The following HYI variants were observed in gnomAD, a reference collection of about 807,000 sequenced individuals.
HYI encodes the protein putative hydroxypyruvate isomerase.
A neutral mutation model predicts 39.7 loss-of-function variants in HYI; 47 were observed. The observed-to-expected ratio is 1.18, with a 90% CI of 0.94 to 1.51. The LOEUF is 1.51. Among genes scored for constraint, HYI ranks in the 40% most tolerant of loss-of-function variants. HYI has a pLI of 0.00. For synonymous variants in HYI, 186 were observed against 158.8 expected, an observed-to-expected ratio of 1.17 and a Z score of -1.29; for missense variants, 465 against 370.3, an observed-to-expected ratio of 1.26 and a Z score of -2.10.
rs1656355742 is a variant in HYI at position 43,451,177 on chromosome 1, T to C, written c.*61A>G. On this transcript the variant is annotated 3_prime_UTR_variant, in exon 8 of 8. Coordinates refer to ENST00000372430, the MANE Select transcript of HYI (RefSeq NM_001190880.3). Reference sequence around the variant, plus strand: ...ACAATGTTCAGCAGGTCATCTTTAATGCAGAGGAGGAGATGGGATGTCACT... The same window carrying C: ...ACAATGTTCAGCAGGTCATCTTTAACGCAGAGGAGGAGATGGGATGTCACT... The C allele has an allele frequency of 6.9e-7, 1 of 1,449,414 alleles. No individual in the cohort carries two copies. Among genetic ancestry groups the C allele is most frequent in the Non-Finnish European group, 9.7e-7 (1 of 1,030,170 alleles). 89.8% of individuals were successfully genotyped at this position (1,449,414 alleles called of 1,614,324 possible).
At position 43,453,770 on chromosome 1, in the gene HYI, G is replaced by A. The variant is rs574781939; in HGVS notation, c.24C>T (p.Ala8=). The A allele has an allele frequency of 3.9e-6, 5 of 1,296,150 alleles. No homozygotes were observed. The African/African-American group carries it at 4.6e-5, about 12-fold the overall frequency. 80.3% of individuals were successfully genotyped at this position (1,296,150 alleles called of 1,614,324 possible). ...GCTCGGGGAATAGCCAGGACAGATT[G>A]GCGGAGAAGCGCAGCGGCGCCATGC... The part of the protein sequence containing the change: MAPLRFS[A]NLSWLFPELS... Residue 8 remains alanine (A), a synonymous_variant, in exon 1 of 8, where the codon GCC becomes GCT. Coordinates refer to ENST00000372430, the MANE Select transcript of HYI (RefSeq NM_001190880.3).
rs986904318 is a variant in HYI, at chr1:43,453,601, G to A, written c.193C>T (p.Pro65Ser). The A allele has an allele frequency of 4.7e-5, 71 of 1,526,556 alleles. No homozygotes were observed. Among genetic ancestry groups the A allele is most frequent in the Non-Finnish European group, 6.1e-5 (69 of 1,137,322 alleles). The allele number at this position is 1,526,556 out of a possible 1,614,324, so 94.6% of individuals were successfully genotyped here. Residue 65 changes from proline (P) to serine (S), a missense_variant, in exon 1 of 8, where the codon CCC becomes TCC. Coordinates refer to ENST00000372430, the MANE Select transcript of HYI (RefSeq NM_001190880.3). ...CTCCCGGCCCGCGACGCACCCGGGG[G>A]CGTGTTGATCAGTACAAGCCGCAGC... ...AGLRLVLINT[P>S]PGDQEKGEMG...
rs552432817 is a variant in HYI, at chr1:43,453,570, C to A, written c.199+25G>T. Reference sequence around the variant, plus strand: ...CGCGCCCCGGCACCCCCCAGCCCTCCCAGCCCTCCCGGCCCGCGACGCACC... The same window carrying A: ...CGCGCCCCGGCACCCCCCAGCCCTCACAGCCCTCCCGGCCCGCGACGCACC... On this transcript the variant is annotated intron_variant, in intron 1 of 7. Transcript: ENST00000372430. 1.8e-3 allele frequency: 2,718 copies of A among 1,520,486 alleles called. 4 individuals carry two copies. Among genetic ancestry groups the A allele is most frequent in the Non-Finnish European group, 2.2e-3 (2,492 of 1,131,790 alleles). 94.2% of individuals were successfully genotyped at this position (1,520,486 alleles called of 1,614,324 possible). A position where few individuals can be genotyped will look rare whatever the true frequency, so the allele number is the denominator to read the frequency against.
Position 43,451,970 on chromosome 1 carries a change from G to C in HYI, c.470C>G (p.Thr157Ser). Residue 157 changes from threonine to serine, a missense_variant, in exon 4 of 8, where the codon ACT (threonine) becomes AGT (serine). Coordinates refer to ENST00000372430, the MANE Select transcript of HYI (RefSeq NM_001190880.3). The stretch of plus-strand genomic sequence containing the variant: ...CGTGTCCAGGAAGTACTGGGGGTCA[G>C]TGATGCGGGTGTTGATGGGCTCCAG... ...GLLEPINTRI[T>S]DPQYFLDTPQ... 1 of 1,611,642 alleles carries C rather than the reference G, an allele frequency of 6.2e-7. No homozygotes were observed. Among genetic ancestry groups the C allele is most frequent in the Non-Finnish European group, 8.5e-7 (1 of 1,178,326 alleles).
At position 43,453,655 on chromosome 1, in the gene HYI, C is replaced by T. The variant is rs1334222109; in HGVS notation, c.139G>A (p.Ala47Thr). ...GCTTCTCGCGCGGCGCGCGCCAGCG[C>T]CTCAGGCGTCTCCGCGTACGGCCAG... The part of the protein sequence containing the change: ...VAWPYAETPE[A>T]LARAAREAGL... Residue 47 changes from alanine (A) to threonine (T), a missense_variant, in exon 1 of 8, where the codon GCG (alanine) becomes ACG (threonine). By Grantham distance (58) the Ala-to-Thr change is moderately conservative. Transcript: ENST00000372430. 1.3e-6 allele frequency: 2 copies of T among 1,487,314 alleles called. No individual in the cohort carries two copies. The highest frequency in any genetic ancestry group is 1.8e-6 in the Non-Finnish European group (2 of 1,126,402). The allele number at this position is 1,487,314 out of a possible 1,614,324, so 92.1% of individuals were successfully genotyped here. A position where few individuals can be genotyped will look rare whatever the true frequency, so the allele number is the denominator to read the frequency against.
intron 3 of HYI, 30 bp downstream of exon 3, chr1:43,452,175 T>G (rs1411163570): frequency 2.5e-6 from 4 of 1,572,220 alleles, no homozygotes; most frequent in Non-Finnish European, 3.5e-6. Flanking sequence ...CAGAGACATG[T>G]AAGTACGTGT....
At chr1:43,452,563 T>C in intron 2 of HYI, 1 of 619,788 alleles carries the variant, frequency 1.6e-6, no homozygotes, top group East Asian at 2.8e-5. Flanking sequence ...CCAAAACCTT[T>C]CCTTCCCTCG....
At chr1:43,452,634 G>A in intron 2 of HYI, 1 of 596,342 alleles carries the variant, frequency 1.7e-6, no homozygotes, top group Non-Finnish European at 3.0e-6. Context: ...CCTGACCTTT[G>A]CTTGCCCTTC....
chr1:43,453,465 C>A lies in HYI; in HGVS notation c.232G>T (p.Ala78Ser). The A allele has an allele frequency of 6.4e-7, 1 of 1,561,560 alleles. No homozygotes were observed. Among genetic ancestry groups the A allele is most frequent in the Non-Finnish European group, 8.7e-7 (1 of 1,151,908 alleles). Residue 78 changes from alanine to serine, a missense_variant, in exon 2 of 8, where the codon GCC becomes TCC. Ala to Ser is a moderately conservative substitution (Grantham distance 99). Transcript: ENST00000372430. ...AAGGCCGCCTGTCTCCCGGGGACGG[C>A]CCCCAGCCCCATTTCCCCCTTCTCT... Reference protein sequence around the residue: ...DQEKGEMGLGAVPGRQAAFRE... With the variant: ...DQEKGEMGLGSVPGRQAAFRE...
Position 43,453,454 on chromosome 1 carries a change from C to T in HYI, c.243G>A (p.Gly81=). ...KGEMGLGAVP[G]RQAAFREGLE... Reference sequence around the variant, plus strand: ...GTCCCTCTCGGAAGGCCGCCTGTCTCCCGGGGACGGCCCCCAGCCCCATTT... The same window carrying T: ...GTCCCTCTCGGAAGGCCGCCTGTCTTCCGGGGACGGCCCCCAGCCCCATTT... Residue 81 remains glycine (G), a synonymous_variant, in exon 2 of 8, where the codon GGG becomes GGA. Coordinates refer to ENST00000372430, the MANE Select transcript of HYI (RefSeq NM_001190880.3). The T allele has an allele frequency of 6.4e-7, 1 of 1,564,102 alleles. No homozygotes were observed. Among genetic ancestry groups the T allele is most frequent in the Non-Finnish European group, 8.7e-7 (1 of 1,153,204 alleles).
chr1:43,453,356 C>CAGGGGT (rs1570767405), intron 2 of HYI, 30 bp downstream of exon 2: 1 of 1,157,168 alleles, frequency 8.6e-7, no homozygotes. Flanking sequence ...TCATGGGTCA[C>CAGGGGT]AGGGGTGGGG....
intron 1 of HYI, 38 bp downstream of exon 1, chr1:43,453,557 C>T (rs1250700031): frequency 2.0e-6 from 3 of 1,512,300 alleles, no homozygotes; most frequent in Non-Finnish European, 2.7e-6. Context: ...CGCCCCGGCA[C>T]CCCCCAGCCC....
At chr1:43,452,865 A>T in intron 2 of HYI, 1 of 1,567,334 alleles carries the variant, frequency 6.4e-7, no homozygotes, top group South Asian at 1.2e-5. Flanking sequence ...AGCTCCAAGC[A>T]GACATTCCAG....
chr1:43,453,566 C>A (rs921627372), intron 1 of HYI, 29 bp downstream of exon 1: 2 of 1,516,810 alleles, frequency 1.3e-6, no homozygotes, highest in Admixed American at 2.1e-5. Flanking sequence ...ACCCCCCAGC[C>A]CTCCCAGCCC....
Position 43,452,327 on chromosome 1 carries a change from G to A in HYI, c.312-8C>T. On this transcript the variant is annotated splice_polypyrimidine_tract_variant and splice_region_variant and intron_variant, in intron 2 of 7. Coordinates refer to ENST00000372430, the MANE Select transcript of HYI (RefSeq NM_001190880.3). Reference sequence around the variant, plus strand: ...CCAGCCATCAGGTGGATCCTGTGGGGAAGATGGACTGGAGGCCTTGCCTCC... The same window carrying A: ...CCAGCCATCAGGTGGATCCTGTGGGAAAGATGGACTGGAGGCCTTGCCTCC... 1 of 1,608,122 alleles carries A rather than the reference G, an allele frequency of 6.2e-7. No individual in the cohort carries two copies. Among genetic ancestry groups the A allele is most frequent in the Non-Finnish European group, 8.5e-7 (1 of 1,175,116 alleles).
chr1:43,453,530 G>C (rs377083938), intron 1 of HYI, 33 bp from the exon 2 acceptor site: 1 of 1,531,126 alleles, frequency 6.5e-7, no homozygotes, highest in Non-Finnish European at 8.8e-7. Context: ...CCCCCGGCTC[G>C]GACACTCCCC....
At chr1:43,452,058 T>G in intron 3 of HYI, 45 bp from the exon 4 acceptor site, 3 of 1,573,708 alleles carry the variant, frequency 1.9e-6, no homozygotes, top group Non-Finnish European at 2.6e-6. Flanking sequence ...TTCCCAAGTT[T>G]GTCCCCCATC....
chr1:43,453,066 G>C, intron 2 of HYI: 1 of 991,746 alleles, frequency 1.0e-6, no homozygotes, highest in Admixed American at 2.0e-5. Flanking sequence ...ACAGGGTTAG[G>C]TGCCTACCCT....
At chr1:43,452,868 C>T in intron 2 of HYI, 1 of 1,569,866 alleles carries the variant, frequency 6.4e-7, no homozygotes, top group Non-Finnish European at 8.6e-7. Flanking sequence ...TCCAAGCAGA[C>T]ATTCCAGGCC....
Sources: gnomAD v4.1 joint callset for allele counts on GRCh38, gnomAD v4.1.1 for gene constraint, MANE v1.5 for transcripts, NCBI Gene and HGNC (gene_info 2026-07-23, HGNC 2026-07-21) for gene names.